C1QB: variants seen among roughly 807,000 people sequenced by gnomAD.
C1QB encodes the protein complement C1q subcomponent subunit B.
Under a neutral mutation model 4.6 loss-of-function variants are expected in C1QB, and 2 were observed. That is an observed-to-expected ratio of 0.43 (90% CI 0.18 to 1.36). The LOEUF (loss-of-function observed/expected upper bound fraction) is 1.36. Ranked by LOEUF, C1QB falls within the 40% of genes most tolerant of loss-of-function variation. The probability of loss-of-function intolerance (pLI) is 0.28; values close to 1 mark genes in which losing one functional copy is unlikely to be tolerated. For synonymous variants in C1QB, 132 were observed against 137.1 expected (o/e 0.96, Z 0.26); for missense variants, 292 against 338.0 (o/e 0.86, Z 1.07).
At chr1:22,655,502 C>G (rs1465154076) in intron 1 of C1QB, among the ~76,000 whole-genome samples, 1 of 152,238 alleles carries the variant, frequency 6.6e-6, no homozygotes, top group Non-Finnish European at 1.5e-5. Flanking sequence ...ACATGCCAGA[C>G]TCTGGGGTTG....
intron 1 of C1QB, among the ~76,000 whole-genome samples, chr1:22,654,672 A>G (rs1642501513): frequency 6.6e-6 from 1 of 152,238 alleles, no homozygotes; most frequent in African/African-American, 2.4e-5. Flanking sequence ...AACTGTGGCC[A>G]GAGAGAAGGA....
chr1:22,656,176 G>A (rs1642529394), intron 1 of C1QB, among the ~76,000 whole-genome samples: 1 of 152,174 alleles, frequency 6.6e-6, no homozygotes, highest in African/African-American at 2.4e-5. Flanking sequence ...CTTGGCAGAG[G>A]TGTCATTGAG....
At chr1:22,659,336 A>G (rs1642583647) in intron 1 of C1QB, 104 bp from the exon 2 acceptor site, 1 of 924,194 alleles carries the variant, frequency 1.1e-6, no homozygotes, top group Admixed American at 2.0e-5. Flanking sequence ...ATGCAGATGG[A>G]GGAATAGAGA....
chr1:22,658,064 A>C (rs1313430067), intron 1 of C1QB, among the ~76,000 whole-genome samples: 1 of 152,160 alleles, frequency 6.6e-6, no homozygotes, highest in Non-Finnish European at 1.5e-5. Context: ...TAGGAATCAC[A>C]GTAGATGCAG....
In C1QB at chr1:22,659,490, G is replaced by A; in HGVS notation, c.28G>A (p.Val10Ile). The A allele has an allele frequency of 6.2e-7, 1 of 1,614,062 alleles. No homozygotes were observed. Among genetic ancestry groups the A allele is most frequent in the Non-Finnish European group, 8.5e-7 (1 of 1,179,988 alleles). MKIPWGSIP[V>I]LMLLLLLGLI... is the part of the protein sequence containing the mutation. ...GAAGATCCCATGGGGCAGCATCCCA[G>A]TACTGATGTTGCTCCTGCTCCTGGG... is the stretch of plus-strand genomic sequence containing the variant. The change falls in exon 2 of 3, where the codon GTA (valine) becomes ATA (isoleucine). Residue 10 changes from valine to isoleucine, a missense_variant. Coordinates refer to ENST00000509305, the MANE Select transcript of C1QB (RefSeq NM_001378156.1).
chr1:22,656,535 A>C (rs1642533671), intron 1 of C1QB, among the ~76,000 whole-genome samples: 1 of 152,078 alleles, frequency 6.6e-6, no homozygotes, highest in Non-Finnish European at 1.5e-5. Context: ...CCAAAACCAA[A>C]TTGTAGTGTG....
At chr1:22,660,744 A>G (rs1000602760) in intron 2 of C1QB, 68 bp from the exon 3 acceptor site, 1 of 1,508,192 alleles carries the variant, frequency 6.6e-7, no homozygotes, top group Non-Finnish European at 9.2e-7. Flanking sequence ...GGCCCTGCCC[A>G]AGGTTCCAGC....
rs534264704 is a variant in C1QB at position 22,659,443 on chromosome 1, G to A, written c.-20G>A. ...TCTCACATTGTCTTCTCCACAGGAG[G>A]CGTCTGACACAGTATGATGATGAAG... is the stretch of plus-strand genomic sequence containing the variant. On this transcript the variant is annotated 5_prime_UTR_variant, in exon 2 of 3. Transcript: ENST00000509305. The A allele has an allele frequency of 1.3e-5, 21 of 1,613,836 alleles. No individual in the cohort carries two copies. In the South Asian group the frequency reaches 2.2e-4, roughly 17 times the overall value.
intron 2 of C1QB, among the ~76,000 whole-genome samples, chr1:22,659,856 G>T (rs955084802): frequency 2.0e-5 from 3 of 152,142 alleles, no homozygotes; most frequent in African/African-American, 7.2e-5. Flanking sequence ...CTTACTCAAG[G>T]TAGCCCAGTA....
intron 1 of C1QB, among the ~76,000 whole-genome samples, chr1:22,658,773 G>A (rs1192827333): frequency 6.6e-6 from 1 of 151,760 alleles, no homozygotes; most frequent in African/African-American, 2.4e-5. Flanking sequence ...GAGGGATGGA[G>A]GGATGCAGGG....
At position 22,661,167 on chromosome 1, in the gene C1QB, C is replaced by T. The variant is rs146413025; in HGVS notation, c.537C>T (p.Cys179=). 5.1e-5 allele frequency: 83 copies of T among 1,614,032 alleles called. No individual in the cohort carries two copies. Among genetic ancestry groups the T allele is most frequent in the Admixed American group, 8.3e-5 (5 of 60,000 alleles). Residue 179 remains cysteine, a synonymous_variant, in exon 3 of 3, where the codon TGC becomes TGT. Coordinates refer to ENST00000509305, the MANE Select transcript of C1QB (RefSeq NM_001378156.1). ...TYHASSRGNL[C]VNLMRGRERA... Reference sequence around the variant, plus strand: ...ACGCCAGCTCTCGAGGGAACCTGTGCGTGAACCTCATGCGTGGCCGGGAGC... The same window carrying T: ...ACGCCAGCTCTCGAGGGAACCTGTGTGTGAACCTCATGCGTGGCCGGGAGC...
rs1642587835 is a variant in C1QB, at chr1:22,659,494, T to C, written c.32T>C (p.Leu11Pro). ...ATCCCATGGGGCAGCATCCCAGTACTGATGTTGCTCCTGCTCCTGGGCCTA... is the reference window on the plus strand; with the variant it reads ...ATCCCATGGGGCAGCATCCCAGTACCGATGTTGCTCCTGCTCCTGGGCCTA... The part of the protein sequence containing the change: MKIPWGSIPV[L>P]MLLLLLGLID... Residue 11 changes from leucine (L) to proline (P), a missense_variant, in exon 2 of 3, where the codon CTG becomes CCG. Physicochemically the swap from Leu to Pro is moderately conservative, Grantham distance 98. Transcript: ENST00000509305. The C allele has an allele frequency of 1.2e-6, 2 of 1,613,912 alleles. No individual in the cohort carries two copies. Among genetic ancestry groups the C allele is most frequent in the Non-Finnish European group, 1.7e-6 (2 of 1,179,984 alleles).
At position 22,661,119 on chromosome 1, in the gene C1QB, C is replaced by T. The variant is rs140417615; in HGVS notation, c.489C>T (p.Pro163=). The change falls in exon 3 of 3, where the codon CCC becomes CCT. Residue 163 remains proline, a synonymous_variant. Coordinates refer to ENST00000509305, the MANE Select transcript of C1QB (RefSeq NM_001378156.1). The part of the protein sequence containing the change: ...PRSGKFTCKV[P]GLYYFTYHAS... ...GTGGCAAGTTCACCTGCAAGGTGCC[C>T]GGTCTCTACTACTTCACCTACCACG... 201 of 1,614,154 alleles carry T rather than the reference C, an allele frequency of 1.2e-4. No homozygotes were observed. In the African/African-American group the frequency reaches 2.3e-3, roughly 18 times the overall value.
At position 22,659,250 on chromosome 1, in the gene C1QB, AGATG is replaced by A. The variant is rs1318205692; in HGVS notation, c.-23-175_-23-172del. On this transcript the variant is annotated intron_variant, in intron 1 of 2. Coordinates refer to ENST00000509305, the MANE Select transcript of C1QB (RefSeq NM_001378156.1). ...TGGATGCAGGGATGGAGGGATAGAG[AGATG>A]GATGGATGGATGGACGGATGCAGAT... Among the ~76,000 whole-genome samples the A allele has an allele frequency of 4.8e-4, 67 of 138,834 alleles. 1 individual carries two copies. Among genetic ancestry groups the A allele is most frequent in the Admixed American group, 9.8e-4 (14 of 14,282 alleles). The allele number at this position is 138,834 out of a possible 152,430, so 91.1% of individuals were successfully genotyped here.
chr1:22,659,356 ATGG>A, intron 1 of C1QB, 81 bp from the exon 2 acceptor site: 1 of 1,075,346 alleles, frequency 9.3e-7, no homozygotes, highest in Non-Finnish European at 1.4e-6. Context: ...AGATGGATGG[ATGG>A]ATGGATGGAT....
intron 1 of C1QB, among the ~76,000 whole-genome samples, chr1:22,659,092 G>A (rs1257602003): frequency 7.1e-6 from 1 of 141,662 alleles, no homozygotes; most frequent in Non-Finnish European, 1.5e-5. Context: ...GGGGGATGGA[G>A]GGATGGATGC....
At chr1:22,655,801 G>A (rs1042780861) in intron 1 of C1QB, among the ~76,000 whole-genome samples, 2 of 152,210 alleles carry the variant, frequency 1.3e-5, no homozygotes, top group Non-Finnish European at 2.9e-5. Context: ...ACTCTGGGAA[G>A]TAGGCAGAGA....
chr1:22,659,400 A>T (rs200301885), intron 1 of C1QB, 40 bp from the exon 2 acceptor site: 90 of 1,552,046 alleles, frequency 5.8e-5, no homozygotes, highest in African/African-American at 2.7e-4. Flanking sequence ...GGATGATAGG[A>T]TCACCACGGT....
chr1:22,658,060 T>A (rs145479202), intron 1 of C1QB, among the ~76,000 whole-genome samples: 38 of 152,258 alleles, frequency 2.5e-4, no homozygotes, highest in African/African-American at 7.7e-4. Context: ...GGTGTAGGAA[T>A]CACAGTAGAT....
Sources: gnomAD v4.1 joint callset for allele counts (sites outside exome capture counted in the v4.1 genomes callset) on GRCh38, gnomAD v4.1.1 for gene constraint, MANE v1.5 for transcripts, NCBI Gene and HGNC (gene_info 2026-07-23, HGNC 2026-07-21) for gene names.